The following KIAA1217 variants were observed in gnomAD, a reference collection of about 807,000 sequenced individuals.
KIAA1217 encodes KIAA1217.
KIAA1217 carries 88 observed loss-of-function variants against 163.9 expected under a neutral mutation model. The ratio of observed to expected loss-of-function variants is 0.54; its 90% confidence interval spans 0.45 to 0.64. The LOEUF is 0.64. Ranked by LOEUF, KIAA1217 falls within the 30% of genes least tolerant of loss-of-function variation. The probability of loss-of-function intolerance (pLI) is 0.00; values close to 1 mark genes in which losing one functional copy is unlikely to be tolerated. For missense variants in KIAA1217, 2,372 were observed against 2,475.0 expected (o/e 0.96, Z 0.88); for synonymous variants, 903 against 923.1 (o/e 0.98, Z 0.39).
chr10:23,697,572 TA>T (rs1836125943), intron 1 of KIAA1217, among the ~76,000 whole-genome samples: 1 of 152,048 alleles, frequency 6.6e-6, no homozygotes, highest in African/African-American at 2.4e-5. Context: ...CATAGTTTTT[TA>T]AAAGTGCACA....
intron 2 of KIAA1217, among the ~76,000 whole-genome samples, chr10:24,106,237 T>C (rs1389295626): frequency 3.3e-5 from 5 of 152,190 alleles, no homozygotes; most frequent in Non-Finnish European, 7.4e-5. Context: ...TAGAAAAGGA[T>C]TGCATTTCTC....
chr10:24,057,710 G>A (rs1039347858), intron 2 of KIAA1217, among the ~76,000 whole-genome samples: 1 of 152,124 alleles, frequency 6.6e-6, no homozygotes, highest in Non-Finnish European at 1.5e-5. Flanking sequence ...CTTCGGAGTC[G>A]TGTCTATTCA....
chr10:24,359,973 C>T (rs1381911137), intron 2 of KIAA1217, among the ~76,000 whole-genome samples: 3 of 150,530 alleles, frequency 2.0e-5, no homozygotes. Context: ...TTTTTTTAAC[C>T]CAAATAATCA....
intron 1 of KIAA1217, among the ~76,000 whole-genome samples, chr10:23,958,589 G>T (rs1037270660): frequency 4.6e-5 from 7 of 152,226 alleles, no homozygotes; most frequent in South Asian, 2.1e-4. Flanking sequence ...TGAGAAAAAC[G>T]TGACTTTTCC....
At chr10:23,945,985 T>C (rs1195142150) in intron 1 of KIAA1217, among the ~76,000 whole-genome samples, 1 of 152,202 alleles carries the variant, frequency 6.6e-6, no homozygotes, top group Non-Finnish European at 1.5e-5. Context: ...TAGAGCTTAC[T>C]CTAGTGGTTA....
chr10:23,704,172 G>GTGTGTGTTTATATATA (rs1229370789), intron 1 of KIAA1217, among the ~76,000 whole-genome samples: 1 of 39,926 alleles, frequency 2.5e-5, no homozygotes, highest in African/African-American at 1.3e-4. Flanking sequence ...GTGTGTGTGT[G>GTGTGTGTTTATATATA]TATATATATA....
chr10:23,721,985 C>T (rs1302230346), intron 1 of KIAA1217, among the ~76,000 whole-genome samples: 1 of 151,998 alleles, frequency 6.6e-6, no homozygotes, highest in Non-Finnish European at 1.5e-5. Context: ...GTGATGTAGT[C>T]ATACAATGGA....
chr10:24,350,549 C>G (rs181453901), intron 2 of KIAA1217, among the ~76,000 whole-genome samples: 1 of 152,214 alleles, frequency 6.6e-6, no homozygotes, highest in Non-Finnish European at 1.5e-5. Flanking sequence ...TTCAGACTAC[C>G]CAAGCCATAA....
At chr10:24,358,898 T>A (rs2049496045) in intron 2 of KIAA1217, among the ~76,000 whole-genome samples, 1 of 152,188 alleles carries the variant, frequency 6.6e-6, no homozygotes, top group Admixed American at 6.5e-5. Context: ...TTTGTTTTTT[T>A]AAAAATCAGT....
rs545092134 is a variant in KIAA1217, at chr10:24,414,876, T to G, written c.554-18119T>G. ...GGAAATGTCTAGGAGGAAGTAGCCA[T>G]GTGTGATGCCTCTTAAATGCCTCTT... On this transcript the variant is annotated intron_variant, in intron 3 of 20. Transcript: ENST00000376454. Among the ~76,000 whole-genome samples, 10 of 152,306 alleles carry G rather than the reference T, an allele frequency of 6.6e-5. No individual in the cohort carries two copies. The East Asian group carries it at 1.7e-3, about 26-fold the overall frequency.
At chr10:23,857,461 T>C (rs993866707) in intron 1 of KIAA1217, among the ~76,000 whole-genome samples, 1 of 152,220 alleles carries the variant, frequency 6.6e-6, no homozygotes, top group Non-Finnish European at 1.5e-5. Flanking sequence ...TTAATAATGA[T>C]GATCTCTAGC....
chr10:23,940,460 CAAAAAAAAA>C (rs760090400), intron 1 of KIAA1217, among the ~76,000 whole-genome samples: 1 of 46,028 alleles, frequency 2.2e-5, no homozygotes, highest in African/African-American at 6.3e-5. Flanking sequence ...GACTCCGTCT[CAAAAAAAAA>C]AAAAAAAAAA....
chr10:24,468,069 A>G (rs1287638501), intron 5 of KIAA1217, among the ~76,000 whole-genome samples: 1 of 152,186 alleles, frequency 6.6e-6, no homozygotes, highest in Non-Finnish European at 1.5e-5. Flanking sequence ...TAAACTGTGA[A>G]TTATACAATC....
intron 2 of KIAA1217, among the ~76,000 whole-genome samples, chr10:24,291,374 C>T (rs1415511248): frequency 6.6e-6 from 1 of 152,064 alleles, no homozygotes; most frequent in Non-Finnish European, 1.5e-5. Context: ...ACTAAAAATA[C>T]AAAAAAGTAG....
At chr10:23,700,382 T>G (rs980489736) in intron 1 of KIAA1217, among the ~76,000 whole-genome samples, 1 of 152,114 alleles carries the variant, frequency 6.6e-6, no homozygotes, top group African/African-American at 2.4e-5. Flanking sequence ...TCTGCTTCCA[T>G]CCTTGTACCA....
intron 2 of KIAA1217, among the ~76,000 whole-genome samples, chr10:24,284,282 A>G (rs1038694684): frequency 6.6e-6 from 1 of 152,064 alleles, no homozygotes; most frequent in African/African-American, 2.4e-5. Context: ...TTACAAGGGT[A>G]TACTGTATGA....
chr10:23,781,535 A>G (rs1564414399), intron 1 of KIAA1217, among the ~76,000 whole-genome samples: 1 of 152,176 alleles, frequency 6.6e-6, no homozygotes, highest in Non-Finnish European at 1.5e-5. Context: ...ATCTGTAGGC[A>G]ACGTTTTGAA....
chr10:24,496,197 C>T (rs942370526), intron 8 of KIAA1217, among the ~76,000 whole-genome samples: 19 of 152,224 alleles, frequency 1.2e-4, no homozygotes, highest in African/African-American at 4.3e-4. Context: ...CGTGGTTCTT[C>T]TCTGGCTGAG....
At chr10:24,249,911 A>G (rs1195199606) in intron 2 of KIAA1217, among the ~76,000 whole-genome samples, 1 of 152,076 alleles carries the variant, frequency 6.6e-6, no homozygotes, top group Non-Finnish European at 1.5e-5. Flanking sequence ...GGCTCATTTT[A>G]TGGGTTGGAT....
Sources: allele counts gnomAD v4.1 joint callset (sites outside exome capture counted in the v4.1 genomes callset), GRCh38; gene constraint gnomAD v4.1.1; transcripts MANE v1.5; gene names NCBI Gene and HGNC (gene_info 2026-07-23, HGNC 2026-07-21).